The following IL7 variants were observed in gnomAD, a reference collection of about 807,000 sequenced individuals.
IL7 encodes the protein interleukin 7.
IL7 carries 3 observed loss-of-function variants against 21.6 expected under a neutral mutation model. That is an observed-to-expected ratio of 0.14 (90% CI 0.06 to 0.36). IL7 has a LOEUF of 0.36. IL7 is among the 10% of genes least tolerant of loss of function. IL7 has a pLI of 1.00. For synonymous variants in IL7, 62 were observed against 68.1 expected, an observed-to-expected ratio of 0.91 and a Z score of 0.44; for missense variants, 175 against 200.2, an observed-to-expected ratio of 0.87 and a Z score of 0.76.
intron 2 of IL7, among the ~76,000 whole-genome samples, chr8:78,778,000 A>G (rs935573011): frequency 2.6e-5 from 4 of 152,012 alleles, no homozygotes; most frequent in African/African-American, 9.7e-5. Context: ...CTCTAGAGCT[A>G]CATGGGGCCA....
At chr8:78,758,533 T>C (rs1480658733) in intron 2 of IL7, among the ~76,000 whole-genome samples, 2 of 152,106 alleles carry the variant, frequency 1.3e-5, no homozygotes, top group Non-Finnish European at 1.5e-5. Context: ...ATTGTATGGT[T>C]GATCTAGTAG....
At chr8:78,698,379 G>C (rs763078737) in intron 3 of IL7, 3 of 1,527,090 alleles carry the variant, frequency 2.0e-6, no homozygotes, top group Non-Finnish European at 2.7e-6. Context: ...ACCTTTTTTA[G>C]AGTATTGTTA....
intron 3 of IL7, among the ~76,000 whole-genome samples, chr8:78,722,298 A>C (rs559612932): frequency 2.0e-4 from 30 of 152,068 alleles, no homozygotes; most frequent in African/African-American, 6.7e-4. Flanking sequence ...TATTTTTATA[A>C]AAGCTGTATT....
rs549215843 is a variant in IL7 at position 78,767,246 on chromosome 8, CTT to C, written c.148-27166_148-27165del. ...TGTGTGTGTGTGTCTGTGTTTATCT[CTT>C]ATATAGTGCATACAGTGTGAACAAG... On this transcript the variant is annotated intron_variant, in intron 2 of 5. Transcript: ENST00000263851. Among the ~76,000 whole-genome samples the C allele has an allele frequency of 2.4e-3, 358 of 151,496 alleles. 1 individual carries two copies. Among genetic ancestry groups the C allele is most frequent in the Non-Finnish European group, 3.4e-3 (232 of 67,658 alleles).
downstream of IL7, among the ~76,000 whole-genome samples, chr8:78,715,762 A>T (rs1811081868): frequency 6.6e-6 from 1 of 152,050 alleles, no homozygotes; most frequent in Admixed American, 6.6e-5. Flanking sequence ...ATGGATGAGG[A>T]GTTGTGGTGG....
chr8:78,773,680 T>A lies in IL7; in HGVS notation c.147+24392A>T, dbSNP rs188443590. 2.4e-3 allele frequency among the ~76,000 whole-genome samples: 372 copies of A among 152,248 alleles called. 2 individuals carry two copies. Among genetic ancestry groups the A allele is most frequent in the African/African-American group, 8.3e-3 (346 of 41,548 alleles). On this transcript the variant is annotated intron_variant, in intron 2 of 5. Transcript: ENST00000263851. ...CTGCAATAGCCAGTGAGTGGTAACC[T>A]AAGGAAAGTTGTTGAGCAGCGATAT...
chr8:78,684,336 C>T (rs1809884920), intron 4 of IL7, among the ~76,000 whole-genome samples: 1 of 152,234 alleles, frequency 6.6e-6, no homozygotes, highest in Admixed American at 6.5e-5. Context: ...AAAGGCACAT[C>T]TTACATGATG....
At chr8:78,689,430 G>T in intron 3 of IL7, 1 of 1,455,550 alleles carries the variant, frequency 6.9e-7, no homozygotes. Flanking sequence ...GACATTCATA[G>T]ATTATTGTTT....
At chr8:78,794,785 T>C (rs1489970328) in intron 2 of IL7, among the ~76,000 whole-genome samples, 1 of 152,068 alleles carries the variant, frequency 6.6e-6, no homozygotes, top group Non-Finnish European at 1.5e-5. Context: ...AAGTCACTCT[T>C]CCTACTTTTA....
chr8:78,750,424 A>G (rs116849221), intron 2 of IL7, among the ~76,000 whole-genome samples: 138 of 152,256 alleles, frequency 9.1e-4, no homozygotes, highest in Non-Finnish European at 1.5e-3. Flanking sequence ...ATTACAAGGC[A>G]TACTAGAAGG....
chr8:78,733,753 G>T lies in IL7; in HGVS notation c.494C>A (p.Thr165Asn). The change falls in exon 6 of 6, where the codon ACT (threonine) becomes AAT (asparagine). Residue 165 changes from threonine (T) to asparagine (N), a missense_variant. Thr to Asn is a moderately conservative substitution (Grantham distance 65, BLOSUM62 0). Coordinates refer to ENST00000263851, the MANE Select transcript of IL7 (RefSeq NM_000880.4). Reference protein sequence around the residue: ...FLKRLLQEIKTCWNKILMGTK... With the variant: ...FLKRLLQEIKNCWNKILMGTK... ...GCCCATCAAAATTTTATTCCAACAAGTTTTTATCTCTTGTAATAGTCTCTT... is the reference window on the plus strand; with the variant it reads ...GCCCATCAAAATTTTATTCCAACAATTTTTTATCTCTTGTAATAGTCTCTT... 1 of 1,600,418 alleles carries T rather than the reference G, an allele frequency of 6.2e-7. No individual in the cohort carries two copies. Among genetic ancestry groups the T allele is most frequent in the Non-Finnish European group, 8.5e-7 (1 of 1,174,940 alleles).
At chr8:78,727,873 A>G (rs1443089928), downstream of IL7, among the ~76,000 whole-genome samples, 1 of 151,982 alleles carries the variant, frequency 6.6e-6, no homozygotes, top group Non-Finnish European at 1.5e-5. Context: ...CTTTGTAGAA[A>G]ATCTCACTCC....
At chr8:78,691,577 A>G (rs781292319) in intron 3 of IL7, among the ~76,000 whole-genome samples, 29 of 151,888 alleles carry the variant, frequency 1.9e-4, no homozygotes, top group Admixed American at 4.6e-4. Context: ...ATTTGGTGCA[A>G]TTATTGATTT....
chr8:78,756,901 C>T (rs921692632), intron 2 of IL7, among the ~76,000 whole-genome samples: 1 of 150,680 alleles, frequency 6.6e-6, no homozygotes, highest in African/African-American at 2.4e-5. Flanking sequence ...TTTTTCTGCT[C>T]TTTATTTTTG....
intron 3 of IL7, among the ~76,000 whole-genome samples, chr8:78,723,266 CTT>C (rs1420263086): frequency 6.6e-6 from 1 of 151,766 alleles, no homozygotes; most frequent in Non-Finnish European, 1.5e-5. Flanking sequence ...TTTGTCGACT[CTT>C]TTATTCAATA....
chr8:78,711,457 C>A (rs1042209172), intron 3 of IL7, among the ~76,000 whole-genome samples: 1 of 151,736 alleles, frequency 6.6e-6, no homozygotes, highest in Non-Finnish European at 1.5e-5. Flanking sequence ...ATGCCGAGTC[C>A]TGTTTTACTT....
At chr8:78,714,648 A>T (rs1254736160), downstream of IL7, among the ~76,000 whole-genome samples, 1 of 152,172 alleles carries the variant, frequency 6.6e-6, no homozygotes, top group Non-Finnish European at 1.5e-5. Flanking sequence ...AGACTCATGG[A>T]TGATCCAACC....
intron 2 of IL7, among the ~76,000 whole-genome samples, chr8:78,756,956 A>C (rs1812368820): frequency 6.6e-6 from 1 of 151,294 alleles, no homozygotes; most frequent in Admixed American, 6.6e-5. Context: ...TTGCTTTTCT[A>C]GTTCCTTGTG....
chr8:78,707,357 T>C (rs1443782726), intron 3 of IL7, among the ~76,000 whole-genome samples: 1 of 152,202 alleles, frequency 6.6e-6, no homozygotes, highest in Non-Finnish European at 1.5e-5. Context: ...GGCGCTGACC[T>C]TGGAGTTAGA....
Sources: gnomAD v4.1 joint callset for allele counts (sites outside exome capture counted in the v4.1 genomes callset) on GRCh38, gnomAD v4.1.1 for gene constraint, MANE v1.5 for transcripts, NCBI Gene and HGNC (gene_info 2026-07-23, HGNC 2026-07-21) for gene names.